The following AOPEP variants were observed in gnomAD, a reference collection of about 807,000 sequenced individuals.
AOPEP encodes the protein aminopeptidase O (putative).
Under a neutral mutation model 98.1 loss-of-function variants are expected in AOPEP, and 77 were observed. The ratio of observed to expected loss-of-function variants is 0.78; its 90% CI spans 0.65 to 0.95. AOPEP has a LOEUF of 0.95. Ranked by LOEUF, AOPEP falls within the 40% of genes least tolerant of loss-of-function variation. The pLI is 0.00. For missense variants in AOPEP, 1,024 were observed against 1,024.7 expected, an observed-to-expected ratio of 1.00 and a Z score of 0.01; for synonymous variants, 346 against 365.3, an observed-to-expected ratio of 0.95 and a Z score of 0.60.
chr9:94,871,755 C>G (rs1344303742), intron 5 of AOPEP, among the ~76,000 whole-genome samples: 1 of 152,080 alleles, frequency 6.6e-6, no homozygotes, highest in Non-Finnish European at 1.5e-5. Context: ...GCCTGTAATC[C>G]CAGCACTTTC....
chr9:95,080,888 T>TA (rs1301688724), intron 15 of AOPEP, 108 bp downstream of exon 15: 7 of 819,560 alleles, frequency 8.5e-6, no homozygotes, highest in Non-Finnish European at 1.5e-5. Flanking sequence ...TTAAATCTGT[T>TA]ACAGAGATTC....
intron 7 of AOPEP, among the ~76,000 whole-genome samples, chr9:94,946,600 C>T (rs1346446061): frequency 1.3e-5 from 2 of 152,244 alleles, no homozygotes; most frequent in Non-Finnish European, 2.9e-5. Flanking sequence ...AACATCTGCG[C>T]AGTCCTCTTA....
chr9:95,039,736 C>CTTCA (rs35690560), intron 13 of AOPEP, among the ~76,000 whole-genome samples: 101,750 of 150,430 alleles, frequency 0.68, 34,952 homozygotes, highest in Non-Finnish European at 0.74. Flanking sequence ...AGACATGTTT[C>CTTCA]TTCATTCATT....
intron 1 of AOPEP, among the ~76,000 whole-genome samples, chr9:94,734,546 A>G (rs1587948354): frequency 6.6e-6 from 1 of 152,224 alleles, no homozygotes; most frequent in Non-Finnish European, 1.5e-5. Flanking sequence ...TGGCCAGAGA[A>G]TTTGCCAGAT....
the AOPEP span, among the ~76,000 whole-genome samples, chr9:95,103,153 G>A: frequency 5.9e-5 from 9 of 152,062 alleles, no homozygotes; most frequent in Admixed American, 2.0e-4. Context: ...ACTGTCCCCC[G>A]CTCAGGGGCT....
At chr9:94,911,131 C>A (rs2051976432) in intron 5 of AOPEP, among the ~76,000 whole-genome samples, 1 of 152,066 alleles carries the variant, frequency 6.6e-6, no homozygotes, top group African/African-American at 2.4e-5. Context: ...AGTCCTGGGC[C>A]CTGGTCTTTC....
intron 5 of AOPEP, among the ~76,000 whole-genome samples, chr9:94,835,160 C>G (rs2041429382): frequency 6.6e-6 from 1 of 152,204 alleles, no homozygotes. Flanking sequence ...TTTGGAATAA[C>G]TTTCCCTTCC....
chr9:95,137,791 T>C, the AOPEP span, among the ~76,000 whole-genome samples: 16 of 152,076 alleles, frequency 1.1e-4, no homozygotes, highest in African/African-American at 2.7e-4. Context: ...CAGCTGCAGA[T>C]GGCAGGAGGC....
rs2070764782 is a variant in AOPEP, at chr9:95,087,013, T to G, written c.*336T>G. ...ACCTGCTGAACATTTTACATTGGTC[T>G]GCTCAGCACATGGCTGGATGCGGAT... On this transcript the variant is annotated 3_prime_UTR_variant, in exon 17 of 17. Coordinates refer to ENST00000375315, the MANE Select transcript of AOPEP (RefSeq NM_001193329.3). The G allele has an allele frequency of 1.1e-6, 1 of 889,322 alleles. No homozygotes were observed. The allele number at this position is 889,322 out of a possible 1,614,324, so 55.1% of individuals were successfully genotyped here.
chr9:94,933,692 A>T, intron 7 of AOPEP: 2 of 983,358 alleles, frequency 2.0e-6, no homozygotes, highest in Non-Finnish European at 1.2e-6. Flanking sequence ...AATTTGTATG[A>T]TGCCTACTGT....
chr9:95,032,828 G>C lies in AOPEP; in HGVS notation c.2115+27212G>C, dbSNP rs1419985484. Among the ~76,000 whole-genome samples, 4 of 152,202 alleles carry C rather than the reference G, an allele frequency of 2.6e-5. No homozygotes were observed. The East Asian group carries it at 7.7e-4, about 29-fold the overall frequency. ...TTTATGACAAAACAGCCTCATCAGT[G>C]ATGTTACAGGACGTGCAGCCCTGAG... On this transcript the variant is annotated intron_variant, in intron 13 of 16. Coordinates refer to ENST00000375315, the MANE Select transcript of AOPEP (RefSeq NM_001193329.3).
At chr9:95,107,087 G>A in the AOPEP span, 12 of 1,614,076 alleles carry the variant, frequency 7.4e-6, no homozygotes, top group East Asian at 2.2e-5. Flanking sequence ...CATCCCAGGC[G>A]ATCGTGTGGC....
In AOPEP at chr9:94,756,676, G is replaced by C. The variant is rs1350897249; in HGVS notation, c.-135-2973G>C. On this transcript the variant is annotated intron_variant, in intron 1 of 16. Coordinates refer to ENST00000375315, the MANE Select transcript of AOPEP (RefSeq NM_001193329.3). Reference sequence around the variant, plus strand: ...GGAGTTCAGTCAGTGTAACACTCCTGGTGCCTTTATCCTAAGGGAGGTGGG... The same window carrying C: ...GGAGTTCAGTCAGTGTAACACTCCTCGTGCCTTTATCCTAAGGGAGGTGGG... Among the ~76,000 whole-genome samples the C allele has an allele frequency of 2.0e-5, 3 of 152,052 alleles. No homozygotes were observed. The East Asian group carries it at 5.8e-4, about 29-fold the overall frequency.
chr9:95,070,849 C>T (rs550928777), intron 14 of AOPEP, among the ~76,000 whole-genome samples: 2 of 152,362 alleles, frequency 1.3e-5, no homozygotes, highest in African/African-American at 4.8e-5. Context: ...TCAGATCACT[C>T]AAGTGAACCT....
the AOPEP span, among the ~76,000 whole-genome samples, chr9:95,096,226 C>A: frequency 6.6e-6 from 1 of 152,184 alleles, no homozygotes; most frequent in African/African-American, 2.4e-5. Flanking sequence ...ATACTAAATT[C>A]TGTACATGTA....
At chr9:95,124,103 CAAAAA>C in the AOPEP span, among the ~76,000 whole-genome samples, 1 of 43,550 alleles carries the variant, frequency 2.3e-5, no homozygotes, top group East Asian at 6.5e-4. Context: ...AACCTTGTCT[CAAAAA>C]AAAAAAAAAA....
chr9:95,059,330 C>G (rs1175533617), intron 13 of AOPEP, among the ~76,000 whole-genome samples: 1 of 152,090 alleles, frequency 6.6e-6, no homozygotes, highest in South Asian at 2.1e-4. Context: ...ACCCAAGAAC[C>G]AAGTGATTGC....
At chr9:94,864,407 CTT>C (rs1211934984) in intron 5 of AOPEP, among the ~76,000 whole-genome samples, 3 of 152,074 alleles carry the variant, frequency 2.0e-5, no homozygotes, top group Non-Finnish European at 4.4e-5. Flanking sequence ...TTTGGTTTCT[CTT>C]TTGGATTGTG....
At chr9:95,083,112 T>TA (rs1408875347) in intron 16 of AOPEP, 20 of 184,356 alleles carry the variant, frequency 1.1e-4, no homozygotes, top group African/African-American at 4.3e-4. Flanking sequence ...TCACGGCTGA[T>TA]ACAGGAGTTT....
Sources: gnomAD v4.1 joint callset for allele counts (sites outside exome capture counted in the v4.1 genomes callset) on GRCh38, gnomAD v4.1.1 for gene constraint, MANE v1.5 for transcripts, NCBI Gene and HGNC (gene_info 2026-07-23, HGNC 2026-07-21) for gene names.